PRKG1: variants seen among roughly 807,000 people sequenced by gnomAD.
PRKG1 encodes the protein protein kinase cGMP-dependent 1.
A neutral mutation model predicts 88.1 loss-of-function variants in PRKG1; 35 were observed. The observed-to-expected ratio is 0.40, with a 90% CI of 0.30 to 0.53. PRKG1 has a LOEUF of 0.53. Among genes scored for constraint, PRKG1 ranks in the 20% least tolerant of loss-of-function variants. The pLI is 0.59. For synonymous variants in PRKG1, 303 were observed against 292.5 expected (o/e 1.04, Z -0.37); for missense variants, 540 against 839.8 (o/e 0.64, Z 4.41).
chr10:51,769,456 T>C (rs1026252560), intron 3 of PRKG1, among the ~76,000 whole-genome samples: 1 of 152,200 alleles, frequency 6.6e-6, no homozygotes, highest in African/African-American at 2.4e-5. Flanking sequence ...TGGACATATC[T>C]AATCTTATAT....
At chr10:51,718,102 T>C (rs1260046000) in intron 3 of PRKG1, among the ~76,000 whole-genome samples, 1 of 152,150 alleles carries the variant, frequency 6.6e-6, no homozygotes, top group East Asian at 1.9e-4. Context: ...CTCCTAGAGT[T>C]TACATTCAAG....
At chr10:51,069,172 C>T (rs980838203) in intron 1 of PRKG1, among the ~76,000 whole-genome samples, 9 of 151,956 alleles carry the variant, frequency 5.9e-5, no homozygotes, top group African/African-American at 2.2e-4. Flanking sequence ...ATGCTAAGTA[C>T]ATTAGCAATT....
intron 2 of PRKG1, among the ~76,000 whole-genome samples, chr10:51,457,612 CAT>C (rs1339088745): frequency 6.6e-6 from 1 of 152,174 alleles, no homozygotes; most frequent in Non-Finnish European, 1.5e-5. Flanking sequence ...AATTATATAA[CAT>C]GTGGTTCTTG....
chr10:51,121,557 T>C (rs994163392), intron 1 of PRKG1, among the ~76,000 whole-genome samples: 1 of 152,126 alleles, frequency 6.6e-6, no homozygotes, highest in Non-Finnish European at 1.5e-5. Context: ...TTATGTCATA[T>C]CTCACTGAAT....
At chr10:51,010,891 C>T (rs939139549) in intron 1 of PRKG1, among the ~76,000 whole-genome samples, 6 of 152,140 alleles carry the variant, frequency 3.9e-5, no homozygotes, top group Admixed American at 1.3e-4. Context: ...TTTATAGCCA[C>T]GCAAAAATAA....
At chr10:51,377,140 C>A (rs2132621203) in intron 2 of PRKG1, among the ~76,000 whole-genome samples, 1 of 151,838 alleles carries the variant, frequency 6.6e-6, no homozygotes, top group South Asian at 2.1e-4. Context: ...ATCTTATTCT[C>A]AGTAGTCTCT....
chr10:50,997,116 G>A lies in PRKG1; in HGVS notation c.266+5472G>A, dbSNP rs535414336. On this transcript the variant is annotated intron_variant, in intron 1 of 17. Coordinates refer to the PRKG1 transcript ENST00000401604. ...TGATGAGAAAACTGAGCAAATCCTCGTGGAAGTGTCCTTTAAAGGATCTCG... is the reference window on the plus strand; with the variant it reads ...TGATGAGAAAACTGAGCAAATCCTCATGGAAGTGTCCTTTAAAGGATCTCG... 6.1e-4 allele frequency among the ~76,000 whole-genome samples: 93 copies of A among 152,290 alleles called. No individual in the cohort carries two copies. In the Middle Eastern group the frequency reaches 0.01, roughly 17 times the overall value.
intron 3 of PRKG1, among the ~76,000 whole-genome samples, chr10:51,487,988 ATTGAGTGCCTGTTT>A (rs1840596828): frequency 6.6e-6 from 1 of 152,196 alleles, no homozygotes; most frequent in Non-Finnish European, 1.5e-5. Context: ...ACCACCATTT[ATTGAGTGCCTGTTT>A]TCTACTGTAT....
intron 1 of PRKG1, among the ~76,000 whole-genome samples, chr10:51,004,561 A>T (rs1052577951): frequency 1.3e-5 from 2 of 152,156 alleles, no homozygotes; most frequent in African/African-American, 4.8e-5. Context: ...AGACAGAATT[A>T]AAAAAAATCA....
At chr10:51,367,322 AG>A (rs1842611383) in intron 2 of PRKG1, among the ~76,000 whole-genome samples, 1 of 151,990 alleles carries the variant, frequency 6.6e-6, no homozygotes, top group South Asian at 2.1e-4. Flanking sequence ...TTTTGGCAAC[AG>A]GGTAACTCAA....
chr10:51,818,371 A>T (rs991019202), intron 4 of PRKG1, among the ~76,000 whole-genome samples: 1 of 152,134 alleles, frequency 6.6e-6, no homozygotes, highest in African/African-American at 2.4e-5. Context: ...TTTCTACTTA[A>T]CTTCGAAGCC....
intron 3 of PRKG1, among the ~76,000 whole-genome samples, chr10:51,542,192 C>G (rs1355590712): frequency 6.6e-6 from 1 of 151,936 alleles, no homozygotes; most frequent in Non-Finnish European, 1.5e-5. Context: ...ACCCCAAACT[C>G]TTTCCAGAAA....
chr10:51,571,530 T>A (rs1361030174), intron 3 of PRKG1, among the ~76,000 whole-genome samples: 1 of 151,798 alleles, frequency 6.6e-6, no homozygotes, highest in Non-Finnish European at 1.5e-5. Context: ...ACTGAAGAAA[T>A]GTTTCATGAG....
intron 2 of PRKG1, chr10:51,306,771 T>C (rs1011232221): frequency 1.3e-5 from 2 of 152,146 alleles, no homozygotes; most frequent in Non-Finnish European, 2.9e-5. Context: ...GCTTACAGAG[T>C]ATTTTGCAAA....
chr10:52,235,842 C>A (rs1262673656), intron 9 of PRKG1, among the ~76,000 whole-genome samples: 8 of 125,768 alleles, frequency 6.4e-5, no homozygotes, highest in African/African-American at 2.4e-4. Flanking sequence ...GAACTCTCCA[C>A]CCCAAATCAA....
intron 1 of PRKG1, among the ~76,000 whole-genome samples, chr10:51,144,095 A>G (rs1845884518): frequency 6.6e-6 from 1 of 151,986 alleles, no homozygotes; most frequent in Admixed American, 6.6e-5. Flanking sequence ...GTAGCTTCAT[A>G]GTTTTTGGTC....
chr10:51,646,676 A>T (rs1716594392), intron 3 of PRKG1, among the ~76,000 whole-genome samples: 1 of 152,068 alleles, frequency 6.6e-6, no homozygotes, highest in African/African-American at 2.4e-5. Context: ...TTGATATATT[A>T]TACTTTCTCT....
intron 2 of PRKG1, among the ~76,000 whole-genome samples, chr10:51,440,101 T>TA (rs1189295738): frequency 6.6e-6 from 1 of 151,944 alleles, no homozygotes. Context: ...GTCAGCTTCT[T>TA]AGTTACTGAG....
intron 1 of PRKG1, among the ~76,000 whole-genome samples, chr10:51,043,583 G>T (rs1843452517): frequency 6.6e-6 from 1 of 152,024 alleles, no homozygotes; most frequent in South Asian, 2.1e-4. Flanking sequence ...GACTGTAAGG[G>T]GCAGGAACCA....
Sources: gnomAD v4.1 joint callset for allele counts (sites outside exome capture counted in the v4.1 genomes callset) on GRCh38, gnomAD v4.1.1 for gene constraint, MANE v1.5 for transcripts, NCBI Gene and HGNC (gene_info 2026-07-23, HGNC 2026-07-21) for gene names.